The following KLHL1 variants were observed in gnomAD, a reference collection of about 807,000 sequenced individuals.
KLHL1 encodes kelch-like protein 1.
A neutral mutation model predicts 77.7 loss-of-function variants in KLHL1; 47 were observed. The observed-to-expected ratio is 0.60, with a 90% CI of 0.48 to 0.77. The LOEUF is 0.77. Among genes scored for constraint, KLHL1 ranks in the 30% least tolerant of loss-of-function variants. The pLI is 0.00. For synonymous variants in KLHL1, 360 were observed against 325.2 expected (o/e 1.11, Z -1.15); for missense variants, 925 against 910.8 (o/e 1.02, Z -0.20).
chr13:69,931,687 A>G (rs1325561053), intron 4 of KLHL1, among the ~76,000 whole-genome samples: 2 of 151,776 alleles, frequency 1.3e-5, no homozygotes, highest in East Asian at 3.9e-4. Context: ...TGATACTTCA[A>G]TGAAATGAAA....
At chr13:70,072,791 T>C (rs1163613596) in intron 1 of KLHL1, among the ~76,000 whole-genome samples, 1 of 152,030 alleles carries the variant, frequency 6.6e-6, no homozygotes, top group Non-Finnish European at 1.5e-5. Flanking sequence ...TGATGGAAAC[T>C]TTTTCAACTT....
intron 4 of KLHL1, among the ~76,000 whole-genome samples, chr13:69,896,555 A>G (rs193056996): frequency 7.9e-5 from 12 of 152,328 alleles, no homozygotes; most frequent in Non-Finnish European, 1.3e-4. Flanking sequence ...ACCCTCAGTC[A>G]TTCAATAAAA....
chr13:69,996,754 C>CA (rs1193506931), intron 1 of KLHL1, among the ~76,000 whole-genome samples: 5 of 151,640 alleles, frequency 3.3e-5, no homozygotes, highest in African/African-American at 1.2e-4. Flanking sequence ...ATGTAGAGGG[C>CA]AAAAAACAGC....
intron 1 of KLHL1, among the ~76,000 whole-genome samples, chr13:70,015,842 T>A (rs1341181195): frequency 6.6e-6 from 1 of 152,210 alleles, no homozygotes; most frequent in African/African-American, 2.4e-5. Context: ...ACTGTATACA[T>A]GTGATAGGGT....
intron 7 of KLHL1, among the ~76,000 whole-genome samples, chr13:69,789,017 C>CTCTATCTATCTA (rs10542087): frequency 1.3e-5 from 2 of 150,396 alleles, no homozygotes; most frequent in East Asian, 2.0e-4. Context: ...CTCCACAGGA[C>CTCTATCTATCTA]TCTATCTATC....
intron 7 of KLHL1, among the ~76,000 whole-genome samples, chr13:69,772,110 C>T (rs1875600001): frequency 1.3e-5 from 2 of 151,988 alleles, no homozygotes; most frequent in South Asian, 4.2e-4. Context: ...TGCCACCACG[C>T]CCAGCTAATT....
chr13:69,747,582 A>G (rs1874270998), intron 7 of KLHL1, among the ~76,000 whole-genome samples: 1 of 152,022 alleles, frequency 6.6e-6, no homozygotes, highest in South Asian at 2.1e-4. Flanking sequence ...CTCAGGGACA[A>G]TATAAAAAGG....
intron 1 of KLHL1, among the ~76,000 whole-genome samples, chr13:70,082,863 T>C (rs944220247): frequency 6.6e-6 from 1 of 152,188 alleles, no homozygotes; most frequent in East Asian, 1.9e-4. Flanking sequence ...CTAAGCAAAT[T>C]AGCATAGAAA....
At chr13:70,104,764 A>C (rs1191613129) in intron 1 of KLHL1, among the ~76,000 whole-genome samples, 1 of 152,122 alleles carries the variant, frequency 6.6e-6, no homozygotes, top group Non-Finnish European at 1.5e-5. Flanking sequence ...CATCATAAAC[A>C]CCATGTAGCT....
chr13:69,925,887 T>C (rs920758443), intron 4 of KLHL1, among the ~76,000 whole-genome samples: 1 of 152,212 alleles, frequency 6.6e-6, no homozygotes, highest in African/African-American at 2.4e-5. Flanking sequence ...AATAGAGTCA[T>C]GTTTTAACTT....
At chr13:69,750,530 A>G (rs1286481974) in intron 7 of KLHL1, among the ~76,000 whole-genome samples, 1 of 151,834 alleles carries the variant, frequency 6.6e-6, no homozygotes, top group African/African-American at 2.4e-5. Context: ...ATGCATGTGT[A>G]TATATATGCA....
At chr13:69,897,434 T>A (rs1881687263) in intron 4 of KLHL1, among the ~76,000 whole-genome samples, 1 of 152,208 alleles carries the variant, frequency 6.6e-6, no homozygotes, top group Admixed American at 6.5e-5. Context: ...AACAACTAAT[T>A]GAGACTTGTG....
At chr13:69,842,829 T>C (rs1271007866) in intron 5 of KLHL1, among the ~76,000 whole-genome samples, 2 of 151,842 alleles carry the variant, frequency 1.3e-5, no homozygotes, top group African/African-American at 4.8e-5. Flanking sequence ...ATGTGGTATA[T>C]ATACACAATA....
intron 6 of KLHL1, among the ~76,000 whole-genome samples, chr13:69,825,174 G>A (rs1234072443): frequency 6.6e-6 from 1 of 151,986 alleles, no homozygotes; most frequent in Non-Finnish European, 1.5e-5. Flanking sequence ...AAATAAACAT[G>A]ACTAAAAACA....
At chr13:69,901,795 C>CTTTTTTTTT (rs1205221353) in intron 4 of KLHL1, among the ~76,000 whole-genome samples, 5 of 40,770 alleles carry the variant, frequency 1.2e-4, no homozygotes, top group African/African-American at 4.8e-4. Flanking sequence ...TTCTTTTTTT[C>CTTTTTTTTT]TTTTTTTTTT....
chr13:69,720,679 G>C (rs964820100), intron 8 of KLHL1, among the ~76,000 whole-genome samples: 42 of 151,812 alleles, frequency 2.8e-4, no homozygotes, highest in Non-Finnish European at 4.0e-4. Flanking sequence ...AAAAAAACTT[G>C]GAAGAGAGTG....
intron 1 of KLHL1, among the ~76,000 whole-genome samples, chr13:70,104,979 T>C (rs1888015574): frequency 6.6e-6 from 1 of 152,044 alleles, no homozygotes; most frequent in Non-Finnish European, 1.5e-5. Flanking sequence ...TGGTTTTCAA[T>C]CAATCATGAG....
chr13:69,842,231 G>GA (rs1330429782), intron 5 of KLHL1, among the ~76,000 whole-genome samples: 1 of 151,140 alleles, frequency 6.6e-6, no homozygotes, highest in Admixed American at 6.6e-5. Flanking sequence ...CACAACAAAG[G>GA]AAAAAAATCA....
chr13:69,951,895 T>C (rs1422210901), intron 3 of KLHL1, among the ~76,000 whole-genome samples: 2 of 151,424 alleles, frequency 1.3e-5, no homozygotes, highest in African/African-American at 4.8e-5. Context: ...AGTTACAGAG[T>C]GCTGCCGAGG....
Sources: gnomAD v4.1 joint callset for allele counts (sites outside exome capture counted in the v4.1 genomes callset) on GRCh38, gnomAD v4.1.1 for gene constraint, MANE v1.5 for transcripts, NCBI Gene and HGNC (gene_info 2026-07-23, HGNC 2026-07-21) for gene names.